The following MSI2 variants were observed in gnomAD, a reference collection of about 807,000 sequenced individuals.
The protein encoded by MSI2 is musashi RNA binding protein 2, also known as RNA-binding protein Musashi homolog 2.
In MSI2, 17 loss-of-function variants were observed where a neutral mutation model predicts 45.6. That is an observed-to-expected ratio of 0.37 (90% confidence interval 0.26 to 0.56). The LOEUF is 0.56. Among genes scored for constraint, MSI2 ranks in the 20% least tolerant of loss-of-function variants. MSI2 has a pLI of 0.77. For missense variants in MSI2, 293 were observed against 444.2 expected, an observed-to-expected ratio of 0.66 and a Z score of 3.06; for synonymous variants, 156 against 158.2, an observed-to-expected ratio of 0.99 and a Z score of 0.11.
chr17:57,502,742 G>A (rs564941994), intron 6 of MSI2, among the ~76,000 whole-genome samples: 41 of 150,846 alleles, frequency 2.7e-4, no homozygotes, highest in Middle Eastern at 3.4e-3. Context: ...GGCTGTTTGC[G>A]TGTTTGTGCA....
intron 6 of MSI2, among the ~76,000 whole-genome samples, chr17:57,510,685 C>T (rs2086335982): frequency 6.6e-6 from 1 of 152,216 alleles, no homozygotes; most frequent in Non-Finnish European, 1.5e-5. Flanking sequence ...ACCTCTGCCT[C>T]CCAAAGTGCT....
chr17:57,510,671 A>AC (rs753002322), intron 6 of MSI2, among the ~76,000 whole-genome samples: 3 of 151,576 alleles, frequency 2.0e-5, no homozygotes, highest in Non-Finnish European at 4.4e-5. Flanking sequence ...CAGGTGATCC[A>AC]CCCACCTCTG....
chr17:57,632,792 A>C, intron 10 of MSI2: 1 of 1,065,696 alleles, frequency 9.4e-7, no homozygotes, highest in Admixed American at 5.3e-5. Context: ...AGTGACCCGC[A>C]CGCTTCCATT....
Position 57,529,747 on chromosome 17 carries a change from G to C in MSI2, c.454+23G>C. 3 of 1,605,620 alleles carry C rather than the reference G, an allele frequency of 1.9e-6. No homozygotes were observed. Among genetic ancestry groups the C allele is most frequent in the Non-Finnish European group, 2.6e-6 (3 of 1,175,980 alleles). On this transcript the variant is annotated intron_variant, in intron 7 of 13. Coordinates refer to ENST00000284073, the MANE Select transcript of MSI2 (RefSeq NM_138962.4). This position sits in a 1 kb window ranked among gnomAD's most constrained non-coding sequence, Gnocchi z 5.3. ...GAGGTAAGATTACCCCAGTGTAAGA[G>C]GGTTGCGTTCACCCTCTCCTGGCCT... is the stretch of plus-strand genomic sequence containing the variant.
At chr17:57,620,627 C>T (rs1487750976) in intron 9 of MSI2, among the ~76,000 whole-genome samples, 2 of 152,204 alleles carry the variant, frequency 1.3e-5, no homozygotes, top group South Asian at 2.1e-4. Flanking sequence ...GTGGCAACTG[C>T]GGCCTCTTTC....
At chr17:57,471,103 G>A (rs553107375) in intron 6 of MSI2, among the ~76,000 whole-genome samples, 5 of 152,152 alleles carry the variant, frequency 3.3e-5, no homozygotes, top group African/African-American at 9.6e-5. Flanking sequence ...CCTGGGGGTG[G>A]TGGCTGCCCA....
chr17:57,456,886 T>C (rs1270102600), intron 6 of MSI2, among the ~76,000 whole-genome samples: 1 of 152,198 alleles, frequency 6.6e-6, no homozygotes. Context: ...CCAAGGCTCT[T>C]TGAGTTGGGA....
intron 5 of MSI2, among the ~76,000 whole-genome samples, chr17:57,393,600 A>T (rs1029535769): frequency 1.3e-5 from 2 of 152,158 alleles, no homozygotes; most frequent in African/African-American, 4.8e-5. Flanking sequence ...TTTTGGGTGG[A>T]CATAGGTTTT....
intron 6 of MSI2, among the ~76,000 whole-genome samples, chr17:57,439,155 C>T (rs1262613407): frequency 6.6e-6 from 1 of 152,102 alleles, no homozygotes; most frequent in Non-Finnish European, 1.5e-5. Context: ...TTTCTGTTTC[C>T]CGAGGCATGA....
downstream of MSI2, among the ~76,000 whole-genome samples, chr17:57,687,110 A>T (rs1567980163): frequency 7.4e-6 from 1 of 135,790 alleles, no homozygotes; most frequent in Non-Finnish European, 1.6e-5. Context: ...GAGAAAAGTT[A>T]AAAAAGATTA....
At chr17:57,405,811 T>A (rs2084071795) in intron 6 of MSI2, among the ~76,000 whole-genome samples, 1 of 152,232 alleles carries the variant, frequency 6.6e-6, no homozygotes, top group Admixed American at 6.5e-5. Context: ...GTTTCTGAAT[T>A]GGAGTTACTG....
chr17:57,395,117 C>T (rs551243432), intron 5 of MSI2, among the ~76,000 whole-genome samples: 1 of 152,174 alleles, frequency 6.6e-6, no homozygotes, highest in African/African-American at 2.4e-5. Context: ...CACTCAAGGC[C>T]CTGCCTTCAT....
chr17:57,512,895 A>T (rs548980107), intron 6 of MSI2, among the ~76,000 whole-genome samples: 82 of 151,110 alleles, frequency 5.4e-4, no homozygotes, highest in African/African-American at 1.9e-3. Context: ...CTCGCTGAGG[A>T]TGTAATAATA....
At chr17:57,597,572 G>A (rs1460572865) in intron 8 of MSI2, among the ~76,000 whole-genome samples, 1 of 151,598 alleles carries the variant, frequency 6.6e-6, no homozygotes, top group Non-Finnish European at 1.5e-5. Context: ...GCTGCAGTGA[G>A]CCATGATCAC....
At chr17:57,554,443 G>C (rs1206142408) in intron 7 of MSI2, among the ~76,000 whole-genome samples, 1 of 152,200 alleles carries the variant, frequency 6.6e-6, no homozygotes, top group Non-Finnish European at 1.5e-5. Context: ...TGCGTCCTGA[G>C]ACACCATCCC....
chr17:57,366,430 C>G (rs1050776480), intron 5 of MSI2, among the ~76,000 whole-genome samples: 1 of 152,234 alleles, frequency 6.6e-6, no homozygotes, highest in Non-Finnish European at 1.5e-5. Context: ...TAATTCATAA[C>G]TCTGACCACA....
At chr17:57,444,119 G>C (rs573856981) in intron 6 of MSI2, among the ~76,000 whole-genome samples, 2 of 152,154 alleles carry the variant, frequency 1.3e-5, no homozygotes, top group Admixed American at 6.5e-5. Flanking sequence ...GAAAGGACTC[G>C]AGAGGCCTTT....
At chr17:57,337,838 A>G (rs1914799407) in intron 5 of MSI2, among the ~76,000 whole-genome samples, 1 of 152,212 alleles carries the variant, frequency 6.6e-6, no homozygotes, top group African/African-American at 2.4e-5. Context: ...TTGGTATATT[A>G]TCATTTTTGT....
At chr17:57,602,345 GTTTGT>G (rs760121833) in intron 8 of MSI2, among the ~76,000 whole-genome samples, 2 of 151,602 alleles carry the variant, frequency 1.3e-5, no homozygotes, top group Non-Finnish European at 2.9e-5. Flanking sequence ...TTTGTTTTTT[GTTTGT>G]TTTGTTTTGT....
Sources: gnomAD v4.1 joint callset for allele counts (sites outside exome capture counted in the v4.1 genomes callset) on GRCh38, gnomAD v4.1.1 for gene constraint, Gnocchi (gnomAD v3.1) non-coding constraint, MANE v1.5 for transcripts, NCBI Gene and HGNC (gene_info 2026-07-23, HGNC 2026-07-21) for gene names.